LTBR: variants seen among roughly 807,000 people sequenced by gnomAD.
LTBR encodes tumor necrosis factor receptor superfamily member 3.
LTBR carries 15 observed loss-of-function variants against 45.4 expected under a neutral mutation model. The observed-to-expected ratio is 0.33, with a 90% CI of 0.22 to 0.51. The LOEUF is 0.51. Ranked by LOEUF, LTBR falls within the 20% of genes least tolerant of loss-of-function variation. The pLI is 0.97. For synonymous variants in LTBR, 228 were observed against 231.0 expected (o/e 0.99, Z 0.12); for missense variants, 450 against 565.5 (o/e 0.80, Z 2.07).
exon 1 of LTBR, chr12:6,375,557 T>A: frequency 3.9e-6 from 6 of 1,529,782 alleles, no homozygotes; most frequent in Non-Finnish European, 5.2e-6. Flanking sequence ...CGGCCAGGGA[T>A]GGAAGCGACA....
At chr12:6,375,804 C>T (rs1948896708) in intron 1 of LTBR, 1 of 1,372,276 alleles carries the variant, frequency 7.3e-7, no homozygotes, top group Non-Finnish European at 9.4e-7. Context: ...ATCCTGAGCC[C>T]ACAGCTAGGA....
At position 6,386,472 on chromosome 12, in the gene LTBR, G is replaced by GGA. The variant is rs776934360; in HGVS notation, c.667+29_667+30insAG. 1.0e-4 allele frequency: 161 copies of GGA among 1,564,466 alleles called. 1 individual carries two copies. The highest frequency in any genetic ancestry group is 1.3e-4 in the Non-Finnish European group (153 of 1,139,504). ...GAGGGACCAGGGCTGAGGGACACGG[G>GGA]GGGGGCGCCTCTGAAAATGCCTTAA... On this transcript the variant is annotated intron_variant, in intron 6 of 9. Transcript: ENST00000228918. The surrounding 1 kb of genome is among the most constrained non-coding windows in gnomAD (Gnocchi z 4.1).
At position 6,388,342 on chromosome 12, in the gene LTBR, C is replaced by G; in HGVS notation, c.668-56C>G. 2 of 1,319,684 alleles carry G rather than the reference C, an allele frequency of 1.5e-6. No homozygotes were observed. The highest frequency in any genetic ancestry group is 2.2e-6 in the Non-Finnish European group (2 of 915,022). The allele number at this position is 1,319,684 out of a possible 1,614,324, so 81.7% of individuals were successfully genotyped here. On this transcript the variant is annotated intron_variant, in intron 6 of 9. Coordinates refer to ENST00000228918, the MANE Select transcript of LTBR (RefSeq NM_002342.3). The surrounding 1 kb of genome is among the most constrained non-coding windows in gnomAD (Gnocchi z 4.3). Reference sequence around the variant, plus strand: ...GATCTGGAAAGCTCTTCCTTCTCCTCCTCCCCTCTGCCCTTCTTGGGGCTG... The same window carrying G: ...GATCTGGAAAGCTCTTCCTTCTCCTGCTCCCCTCTGCCCTTCTTGGGGCTG...
chr12:6,377,072 G>A, intron 1 of LTBR: 1 of 553,628 alleles, frequency 1.8e-6, no homozygotes, highest in East Asian at 3.0e-5. Context: ...CCCAGAGAAG[G>A]TGTCATCTCT....
chr12:6,376,691 A>G (rs917646504), intron 1 of LTBR, among the ~76,000 whole-genome samples: 1 of 152,176 alleles, frequency 6.6e-6, no homozygotes, highest in South Asian at 2.1e-4. Flanking sequence ...AGAGAATCAG[A>G]CCCAAAAAGG....
In LTBR at chr12:6,390,181, G is replaced by A. The variant is rs1949095794; in HGVS notation, c.871G>A (p.Val291Ile). 2 of 1,613,964 alleles carry A rather than the reference G, an allele frequency of 1.2e-6. No individual in the cohort carries two copies. Among genetic ancestry groups the A allele is most frequent in the African/African-American group, 2.7e-5 (2 of 74,888 alleles). The change falls in exon 9 of 10, where the codon GTA becomes ATA. Residue 291 changes from valine (V) to isoleucine (I), a missense_variant. Coordinates refer to ENST00000228918, the MANE Select transcript of LTBR (RefSeq NM_002342.3). ...PKAHPYFPDL[V>I]QPLLPISGDV... The stretch of plus-strand genomic sequence containing the variant: ...GGCCCATCCATACTTCCCTGACTTG[G>A]TACAGCCACTGCTACCCATTTCTGG...
Position 6,388,874 on chromosome 12 carries a change from G to A in LTBR, c.801+49G>A, listed in dbSNP as rs1428147712. The stretch of plus-strand genomic sequence containing the variant: ...AGCAAGAAGGGGAAGAGGTGATGAG[G>A]GTACAAGGTGGAGCAGACAGGAAGA... On this transcript the variant is annotated intron_variant, in intron 8 of 9. Transcript: ENST00000228918. The surrounding 1 kb of genome is among the most constrained non-coding windows in gnomAD (Gnocchi z 4.3). The A allele has an allele frequency of 1.9e-6, 3 of 1,608,756 alleles. No individual in the cohort carries two copies. Among genetic ancestry groups the A allele is most frequent in the Non-Finnish European group, 2.6e-6 (3 of 1,175,748 alleles).
At chr12:6,378,122 T>G (rs1446188649) in intron 1 of LTBR, among the ~76,000 whole-genome samples, 1 of 152,252 alleles carries the variant, frequency 6.6e-6, no homozygotes, top group Non-Finnish European at 1.5e-5. Flanking sequence ...TTAGTCCCCT[T>G]CCTTTCCCTC....
At chr12:6,390,398 G>C (rs1475994420) in intron 9 of LTBR, 58 bp downstream of exon 9, 1 of 1,430,018 alleles carries the variant, frequency 7.0e-7, no homozygotes, top group Non-Finnish European at 9.6e-7. Context: ...GGCTGGCAGG[G>C]AGAGACTGTG....
upstream of LTBR, among the ~76,000 whole-genome samples, chr12:6,382,806 G>A (rs1430961006): frequency 6.6e-6 from 1 of 152,222 alleles, no homozygotes; most frequent in Non-Finnish European, 1.5e-5. Flanking sequence ...GTCCTTCAGG[G>A]AGGGGGATAG....
In LTBR at chr12:6,386,211, C is replaced by A; in HGVS notation, c.569+49C>A. 1 of 1,531,930 alleles carries A rather than the reference C, an allele frequency of 6.5e-7. No homozygotes were observed. Among genetic ancestry groups the A allele is most frequent in the Non-Finnish European group, 9.0e-7 (1 of 1,106,496 alleles). 94.9% of individuals were successfully genotyped at this position (1,531,930 alleles called of 1,614,324 possible). ...CCTTCCACCCTCTGAGAAGCCTCAG[C>A]TGCTAACAACCCCCAGCGCCTATCC... On this transcript the variant is annotated intron_variant, in intron 5 of 9. Transcript: ENST00000228918. The surrounding 1 kb of genome is among the most constrained non-coding windows in gnomAD (Gnocchi z 4.1).
At chr12:6,384,707 A>AGTGGGT (rs2136927561) in intron 2 of LTBR, 23 bp downstream of exon 2, 2 of 1,609,052 alleles carry the variant, frequency 1.2e-6, no homozygotes, top group East Asian at 4.5e-5. Context: ...GGCAGGACGA[A>AGTGGGT]CCTGGGCCTC....
At position 6,386,746 on chromosome 12, in the gene LTBR, GTT is replaced by G. The variant is rs34689662; in HGVS notation, c.667+312_667+313del. The G allele has an allele frequency of 1.5e-4, 36 of 237,568 alleles. No individual in the cohort carries two copies. The highest frequency in any genetic ancestry group is 3.8e-4 in the African/African-American group (16 of 42,458). The allele number at this position is 237,568 out of a possible 1,614,324, so 14.7% of individuals were successfully genotyped here. A position where few individuals can be genotyped will look rare whatever the true frequency, so the allele number is the denominator to read the frequency against. On this transcript the variant is annotated intron_variant, in intron 6 of 9. Coordinates refer to ENST00000228918, the MANE Select transcript of LTBR (RefSeq NM_002342.3). This position sits in a 1 kb window ranked among gnomAD's most constrained non-coding sequence, Gnocchi z 4.1. ...TGGGCTTACCAACATTACACAATCCGTTTTTTTTTTTCACACAATCCATTAAC... is the reference window on the plus strand; with the variant it reads ...TGGGCTTACCAACATTACACAATCCGTTTTTTTTTCACACAATCCATTAAC...
In LTBR at chr12:6,388,306, G is replaced by A. The variant is rs1194759971; in HGVS notation, c.668-92G>A. On this transcript the variant is annotated intron_variant, in intron 6 of 9. Transcript: ENST00000228918. The surrounding 1 kb of genome is among the most constrained non-coding windows in gnomAD (Gnocchi z 4.3). ...AAAGCTGCTCCCTTTTCTCTGTCTG[G>A]GTTGCCCAGGGATCTGGAAAGCTCT... is the stretch of plus-strand genomic sequence containing the variant. 1.1e-6 allele frequency: 1 copy of A among 905,438 alleles called. No homozygotes were observed. Among genetic ancestry groups the A allele is most frequent in the Admixed American group, 1.8e-5 (1 of 54,292 alleles). 56.1% of individuals were successfully genotyped at this position (905,438 alleles called of 1,614,324 possible).
intron 1 of LTBR, among the ~76,000 whole-genome samples, chr12:6,378,103 G>C (rs1429715655): frequency 1.3e-5 from 2 of 152,178 alleles, no homozygotes; most frequent in African/African-American, 2.4e-5. Context: ...GAAGTATATA[G>C]AGCTTCCCTT....
At chr12:6,375,518 C>T (rs893905102) in exon 1 of LTBR, 50 of 1,535,260 alleles carry the variant, frequency 3.3e-5, no homozygotes, top group Middle Eastern at 1.7e-4. Context: ...ACAGGTGCAG[C>T]GGCCTGGCTG....
At chr12:6,382,019 T>C (rs1472063611), upstream of LTBR, among the ~76,000 whole-genome samples, 3 of 151,896 alleles carry the variant, frequency 2.0e-5, no homozygotes, top group Non-Finnish European at 4.4e-5. Context: ...TCTGGACCAG[T>C]TGGGGGATAT....
rs991527419 is a variant in LTBR, at chr12:6,384,377, A to G, written c.19A>G (p.Thr7Ala). The G allele has an allele frequency of 3.9e-6, 6 of 1,531,916 alleles. No homozygotes were observed. The highest frequency in any genetic ancestry group is 3.6e-5 in the South Asian group (3 of 83,768). 94.9% of individuals were successfully genotyped at this position (1,531,916 alleles called of 1,614,324 possible). Residue 7 changes from threonine to alanine, a missense_variant, in exon 1 of 10, where the codon ACC (threonine) becomes GCC (alanine). This residue lies in a region of LTBR where 367 missense variants were observed against 435.4 expected (regional missense o/e 0.84). Coordinates refer to ENST00000228918, the MANE Select transcript of LTBR (RefSeq NM_002342.3). ...GGCCGCCATGCTCCTGCCTTGGGCCACCTCTGCCCCCGGCCTGGCCTGGGG... is the reference window on the plus strand; with the variant it reads ...GGCCGCCATGCTCCTGCCTTGGGCCGCCTCTGCCCCCGGCCTGGCCTGGGG... Reference protein sequence around the residue: MLLPWATSAPGLAWGPL... With the variant: MLLPWAASAPGLAWGPL...
chr12:6,379,317 G>A (rs1377446253), upstream of LTBR, among the ~76,000 whole-genome samples: 1 of 152,112 alleles, frequency 6.6e-6, no homozygotes, highest in East Asian at 1.9e-4. Context: ...CTACGAAAAA[G>A]CATCTGCAAA....
Sources: allele counts gnomAD v4.1 joint callset (sites outside exome capture counted in the v4.1 genomes callset), GRCh38; gene constraint gnomAD v4.1.1; regional missense constraint gnomAD v4.1.1; non-coding constraint Gnocchi (gnomAD v3.1); transcripts MANE v1.5; gene names NCBI Gene and HGNC (gene_info 2026-07-23, HGNC 2026-07-21).